ATP7B: variants seen among roughly 807,000 people sequenced by gnomAD.
The protein encoded by ATP7B is copper-transporting ATPase 2.
ATP7B carries 113 observed loss-of-function variants against 118.9 expected under a neutral mutation model. The ratio of observed to expected loss-of-function variants is 0.95; its 90% CI spans 0.82 to 1.11. The LOEUF is 1.11. ATP7B is among the 50% of genes most tolerant of loss of function. The probability of loss-of-function intolerance (pLI) is 0.00; values close to 1 mark genes in which losing one functional copy is unlikely to be tolerated. For missense variants in ATP7B, 1,867 were observed against 1,871.4 expected, an observed-to-expected ratio of 1.00 and a Z score of 0.04; for synonymous variants, 777 against 727.4, an observed-to-expected ratio of 1.07 and a Z score of -1.10.
At chr13:51,963,017 G>A (rs139478273) in intron 5 of ATP7B, among the ~76,000 whole-genome samples, 2,140 of 151,752 alleles carry the variant, frequency 0.014, 32 homozygotes, top group South Asian at 0.052. Context: ...GCTTGAACCC[G>A]GGAGGCAGAG....
chr13:51,946,388 A>T lies in ATP7B; in HGVS notation c.2956T>A (p.Ser986Thr). The change falls in exon 13 of 21, where the codon TCC becomes ACC. Residue 986 changes from serine to threonine, a missense_variant. By Grantham distance (58) the Ser-to-Thr change is moderately conservative. Transcript: ENST00000242839. ...ITVLCIACPC[S>T]LGLATPTAVM... The stretch of plus-strand genomic sequence containing the variant: ...GCCGTGGGCGTGGCCAGCCCCAGGG[A>T]GCAGGGGCAGGCAATGCACAGCACC... 1.2e-6 allele frequency: 2 copies of T among 1,613,940 alleles called. No individual in the cohort carries two copies. The highest frequency in any genetic ancestry group is 1.7e-6 in the Non-Finnish European group (2 of 1,180,022).
chr13:51,963,736 CAAAA>C (rs933334832), intron 5 of ATP7B, among the ~76,000 whole-genome samples: 4 of 41,158 alleles, frequency 9.7e-5, no homozygotes, highest in Admixed American at 2.5e-4. Context: ...GACCACGTCT[CAAAA>C]AAAAAAAAAA....
chr13:51,968,326 C>T (rs1259927920), intron 4 of ATP7B, 118 bp downstream of exon 4: 2 of 1,463,718 alleles, frequency 1.4e-6, no homozygotes, highest in African/African-American at 2.8e-5. Flanking sequence ...ACAAAATACC[C>T]AACAACAACA....
chr13:51,974,992 AATG>A lies in ATP7B; in HGVS notation c.225_227del (p.Ile76del). 5 of 1,614,184 alleles carry A rather than the reference AATG, an allele frequency of 3.1e-6. No individual in the cohort carries two copies. Among genetic ancestry groups the A allele is most frequent in the Non-Finnish European group, 4.2e-6 (5 of 1,180,038 alleles). ...CTTTCAAATTGGAAATCCTGTCCTC[AATG>A]GACTTCACACATGACTGGCAAGTCA... On this transcript the variant is annotated inframe_deletion, in exon 2 of 21. Coordinates refer to ENST00000242839, the MANE Select transcript of ATP7B (RefSeq NM_000053.4).
chr13:51,969,102 G>A (rs1288887305), intron 3 of ATP7B, among the ~76,000 whole-genome samples: 1 of 150,366 alleles, frequency 6.7e-6, no homozygotes, highest in Non-Finnish European at 1.5e-5. Context: ...CTTGTGATCC[G>A]CTCGCCTTGG....
intron 1 of ATP7B, among the ~76,000 whole-genome samples, chr13:51,977,557 C>T (rs992543024): frequency 1.3e-5 from 2 of 152,082 alleles, no homozygotes; most frequent in African/African-American, 4.8e-5. Flanking sequence ...CCTCCTAGGA[C>T]CTGCCTGAGG....
rs774844173 is a variant in ATP7B at position 51,941,230 on chromosome 13, C to CA, written c.3413-7dup. 6.2e-7 allele frequency: 1 copy of CA among 1,614,082 alleles called. No individual in the cohort carries two copies. Among genetic ancestry groups the CA allele is most frequent in the Admixed American group, 1.7e-5 (1 of 60,014 alleles). The stretch of plus-strand genomic sequence containing the variant: ...GAAGGTCTGGGGGACTGCATCTATT[C>CA]AAAAGAGGCTGTGGTTATTTCTAAA... On this transcript the variant is annotated splice_region_variant and splice_polypyrimidine_tract_variant and intron_variant, in intron 15 of 20. Coordinates refer to ENST00000242839, the MANE Select transcript of ATP7B (RefSeq NM_000053.4).
chr13:51,959,009 A>G (rs535134706), intron 7 of ATP7B: 10 of 195,960 alleles, frequency 5.1e-5, no homozygotes, highest in African/African-American at 1.6e-4. Flanking sequence ...TTACGTGAAC[A>G]TATACATACA....
chr13:52,009,221 G>A (rs150599877), intron 1 of ATP7B, among the ~76,000 whole-genome samples: 4 of 152,288 alleles, frequency 2.6e-5, no homozygotes, highest in South Asian at 2.1e-4. Flanking sequence ...TGAGATGGCC[G>A]TTCAGAGGGC....
At position 51,974,260 on chromosome 13, in the gene ATP7B, A is replaced by G. The variant is rs752290515; in HGVS notation, c.960T>C (p.Pro320=). The G allele has an allele frequency of 1.1e-5, 18 of 1,614,090 alleles. No individual in the cohort carries two copies. Among genetic ancestry groups the G allele is most frequent in the Non-Finnish European group, 1.4e-5 (17 of 1,179,998 alleles). Residue 320 remains proline, a synonymous_variant, in exon 2 of 21, where the codon CCT becomes CCC. Coordinates refer to ENST00000242839, the MANE Select transcript of ATP7B (RefSeq NM_000053.4). The part of the protein sequence containing the change: ...ALQRAIEALP[P]GNFKVSLPDG... Reference sequence around the variant, plus strand: ...CAGGAAGAGAAACTTTAAAATTCCCAGGTGGAAGTGCCTCGATAGCCCTCT... The same window carrying G: ...CAGGAAGAGAAACTTTAAAATTCCCGGGTGGAAGTGCCTCGATAGCCCTCT...
chr13:52,006,347 C>T (rs1463229954), intron 1 of ATP7B, among the ~76,000 whole-genome samples: 1 of 152,234 alleles, frequency 6.6e-6, no homozygotes, highest in Non-Finnish European at 1.5e-5. Context: ...ATCTCTGTCA[C>T]TTGCTTAGTT....
intron 1 of ATP7B, among the ~76,000 whole-genome samples, chr13:51,981,792 A>G (rs1952435096): frequency 2.0e-5 from 3 of 152,174 alleles, no homozygotes; most frequent in Admixed American, 2.0e-4. Context: ...ATTTTTAAAA[A>G]TATCTGTACA....
Position 51,974,029 on chromosome 13 carries a change from C to T in ATP7B, c.1191G>A (p.Gly397=), listed in dbSNP as rs561017302. The T allele has an allele frequency of 1.9e-6, 3 of 1,614,270 alleles. No homozygotes were observed. The East Asian group carries it at 6.7e-5, about 36-fold the overall frequency. ...VQQISVSLAE[G]TATVLYNPSV... ...AGGGATTATAAAGAACTGTTGCAGT[C>T]CCTTCGGCCAAAGACACCGATATTT... is the stretch of plus-strand genomic sequence containing the variant. Residue 397 remains glycine (G), a synonymous_variant, in exon 2 of 21, where the codon GGG becomes GGA. Transcript: ENST00000242839.
rs375931387 is a variant in ATP7B at position 51,939,098 on chromosome 13, G to A, written c.3652C>T (p.Leu1218=). 1 of 1,614,152 alleles carries A rather than the reference G, an allele frequency of 6.2e-7. No individual in the cohort carries two copies. Among genetic ancestry groups the A allele is most frequent in the East Asian group, 2.2e-5 (1 of 44,884 alleles). Reference sequence around the variant, plus strand: ...GTCTTCCGGTTGTCCCCCGTGATCAGAACCACGTCCACACCCATGCTCTGC... The same window carrying A: ...GTCTTCCGGTTGTCCCCCGTGATCAAAACCACGTCCACACCCATGCTCTGC... ...TLQSMGVDVV[L]ITGDNRKTAR... Residue 1218 remains leucine, a synonymous_variant, in exon 17 of 21, where the codon CTG becomes TTG. Transcript: ENST00000242839.
rs375764605 is a variant in ATP7B, at chr13:51,981,948, G to A, written c.52-6780C>T. 1.3e-3 allele frequency among the ~76,000 whole-genome samples: 195 copies of A among 151,998 alleles called. 3 individuals are homozygous for A. The highest frequency in any genetic ancestry group is 4.2e-3 in the South Asian group (20 of 4,816). ...TGCAGCCCAGGATGGCTTTGAATACGGCCCAACACAAATTTGTAAACTTTC... is the reference window on the plus strand; with the variant it reads ...TGCAGCCCAGGATGGCTTTGAATACAGCCCAACACAAATTTGTAAACTTTC... On this transcript the variant is annotated intron_variant, in intron 1 of 20. Transcript: ENST00000242839.
At position 51,934,711 on chromosome 13, in the gene ATP7B, G is replaced by C; in HGVS notation, c.*45C>G. On this transcript the variant is annotated 3_prime_UTR_variant, in exon 21 of 21. Transcript: ENST00000242839. Reference sequence around the variant, plus strand: ...TGCTGGCTGTCCTGCTCAGCTTGTGGTGAGTGGAGGCAAGTCCCTGCCCCG... The same window carrying C: ...TGCTGGCTGTCCTGCTCAGCTTGTGCTGAGTGGAGGCAAGTCCCTGCCCCG... The C allele has an allele frequency of 1.2e-6, 2 of 1,608,988 alleles. No individual in the cohort carries two copies. The highest frequency in any genetic ancestry group is 1.7e-6 in the Non-Finnish European group (2 of 1,179,856).
intron 4 of ATP7B, chr13:51,967,299 A>C (rs1344916274): frequency 1.4e-6 from 1 of 694,442 alleles, no homozygotes; most frequent in Non-Finnish European, 2.4e-6. Flanking sequence ...GTTATTTCAA[A>C]GTGTGTTGGA....
chr13:52,011,571 C>T (rs1954039719), upstream of ATP7B: 1 of 624,474 alleles, frequency 1.6e-6, no homozygotes, highest in African/African-American at 1.8e-5. Context: ...CGCCGTCCTC[C>T]CGACCTGGGG....
At chr13:51,959,994 A>G (rs1163826333) in intron 7 of ATP7B, 154 bp downstream of exon 7, 1 of 1,089,020 alleles carries the variant, frequency 9.2e-7, no homozygotes, top group Non-Finnish European at 1.3e-6. Flanking sequence ...ATTAAGAGAG[A>G]AAAAAAGCAG....
Sources: gnomAD v4.1 joint callset for allele counts (sites outside exome capture counted in the v4.1 genomes callset) on GRCh38, gnomAD v4.1.1 for gene constraint, MANE v1.5 for transcripts, NCBI Gene and HGNC (gene_info 2026-07-23, HGNC 2026-07-21) for gene names.